The following RIMS1 variants were observed in gnomAD, a reference collection of about 807,000 sequenced individuals.
RIMS1 encodes the protein regulating synaptic membrane exocytosis 1.
In RIMS1, 83 loss-of-function variants were observed where a neutral mutation model predicts 214.1. The observed-to-expected ratio is 0.39, with a 90% CI of 0.32 to 0.47. The LOEUF is 0.47. Among genes scored for constraint, RIMS1 ranks in the 20% least tolerant of loss-of-function variants. RIMS1 has a pLI of 0.99. For missense variants in RIMS1, 2,050 were observed against 2,161.8 expected (o/e 0.95, Z 1.03); for synonymous variants, 793 against 786.8 (o/e 1.01, Z -0.13).
At position 72,158,566 on chromosome 6, in the gene RIMS1, C is replaced by G. The variant is rs1164391018; in HGVS notation, c.472-21009C>G. 1.8e-4 allele frequency among the ~76,000 whole-genome samples: 21 copies of G among 116,032 alleles called. 1 individual carries two copies. The highest frequency in any genetic ancestry group is 1.3e-3 in the Admixed American group (14 of 10,980). The allele number at this position is 116,032 out of a possible 152,430, so 76.1% of individuals were successfully genotyped here. ...TAATGCTATCCCTCCGCCCTCCCCC[C>G]ACCCCACAACAGGCCCTGGTGTGTG... On this transcript the variant is annotated intron_variant, in intron 4 of 33. Transcript: ENST00000521978.
At chr6:72,319,026 ATT>A (rs71842786) in intron 28 of RIMS1, among the ~76,000 whole-genome samples, 1 of 151,820 alleles carries the variant, frequency 6.6e-6, no homozygotes, top group African/African-American at 2.4e-5. Context: ...ATTTTTTAAA[ATT>A]TTTTTTTAAA....
intron 4 of RIMS1, among the ~76,000 whole-genome samples, chr6:72,120,222 T>G (rs934914649): frequency 1.3e-5 from 2 of 151,902 alleles, no homozygotes; most frequent in African/African-American, 4.8e-5. Context: ...CCCTGAAGAA[T>G]CACCACACTG....
At chr6:72,154,021 G>A (rs2044099952) in intron 4 of RIMS1, among the ~76,000 whole-genome samples, 2 of 151,926 alleles carry the variant, frequency 1.3e-5, no homozygotes, top group African/African-American at 4.8e-5. Flanking sequence ...TTATTATCTT[G>A]AATATGCAAG....
intron 10 of RIMS1, among the ~76,000 whole-genome samples, chr6:72,243,511 T>A: frequency 6.6e-6 from 1 of 151,830 alleles, no homozygotes; most frequent in Non-Finnish European, 1.5e-5. Flanking sequence ...ATGCTAGTTT[T>A]ACATGACATA....
chr6:72,047,573 A>C (rs1823415871), intron 2 of RIMS1, among the ~76,000 whole-genome samples: 1 of 152,170 alleles, frequency 6.6e-6, no homozygotes. Flanking sequence ...AACAGCTTCT[A>C]AAGCATGTAG....
At chr6:71,992,462 C>G (rs1417001309) in intron 2 of RIMS1, among the ~76,000 whole-genome samples, 1 of 140,764 alleles carries the variant, frequency 7.1e-6, no homozygotes, top group East Asian at 2.1e-4. Context: ...CTTTCTCTTT[C>G]TTTCTCCTTT....
chr6:72,266,449 T>C (rs986508426), intron 22 of RIMS1: 2 of 225,402 alleles, frequency 8.9e-6, no homozygotes, highest in Non-Finnish European at 1.8e-5. Context: ...ATAGTATTTA[T>C]AGGTTTAACA....
intron 4 of RIMS1, among the ~76,000 whole-genome samples, chr6:72,156,927 G>A (rs1020801461): frequency 7.1e-6 from 1 of 140,714 alleles, no homozygotes; most frequent in African/African-American, 2.5e-5. Flanking sequence ...AATCCAAGAT[G>A]TAATCATGTA....
intron 28 of RIMS1, among the ~76,000 whole-genome samples, chr6:72,324,548 G>A (rs965115406): frequency 6.6e-6 from 1 of 151,824 alleles, no homozygotes; most frequent in Non-Finnish European, 1.5e-5. Flanking sequence ...AGAAAGTGGT[G>A]GATGGAACTA....
intron 1 of RIMS1, among the ~76,000 whole-genome samples, chr6:71,905,770 T>G (rs1313548522): frequency 6.6e-6 from 1 of 152,114 alleles, no homozygotes; most frequent in Non-Finnish European, 1.5e-5. Flanking sequence ...TAATGTTGAC[T>G]GGACAAGAAG....
chr6:72,064,366 A>G (rs992097571), intron 2 of RIMS1, among the ~76,000 whole-genome samples: 5 of 151,830 alleles, frequency 3.3e-5, no homozygotes, highest in Admixed American at 6.6e-5. Context: ...GGAAGGAAGG[A>G]AGGGAGGAAC....
chr6:72,402,717 G>C lies in RIMS1; in HGVS notation c.*2003G>C, dbSNP rs573839905. 1 of 152,470 alleles carries C rather than the reference G, an allele frequency of 6.6e-6. No homozygotes were observed. The highest frequency in any genetic ancestry group is 1.5e-5 in the Non-Finnish European group (1 of 68,002). The allele number at this position is 152,470 out of a possible 1,614,324, so 9.4% of individuals were successfully genotyped here. A position where few individuals can be genotyped will look rare whatever the true frequency, so the allele number is the denominator to read the frequency against. On this transcript the variant is annotated 3_prime_UTR_variant, in exon 34 of 34. Transcript: ENST00000521978. ...TAATTGGGTAGTATCTTTCTATTTT[G>C]ACCACTTGTCTTAACACTCCCCTGT... is the stretch of plus-strand genomic sequence containing the variant.
chr6:72,223,445 TATC>T (rs1465951789), intron 6 of RIMS1, among the ~76,000 whole-genome samples: 4 of 152,150 alleles, frequency 2.6e-5, no homozygotes, highest in African/African-American at 9.7e-5. Context: ...GCTATGTTAA[TATC>T]ATTTTAAAGC....
intron 28 of RIMS1, among the ~76,000 whole-genome samples, chr6:72,330,188 C>A (rs1037683789): frequency 6.6e-6 from 1 of 151,758 alleles, no homozygotes; most frequent in African/African-American, 2.4e-5. Context: ...AAATGCATGA[C>A]ATATTGAGAG....
intron 29 of RIMS1, among the ~76,000 whole-genome samples, chr6:72,368,641 C>G (rs916509765): frequency 7.9e-5 from 12 of 151,886 alleles, no homozygotes; most frequent in Non-Finnish European, 1.6e-4. Context: ...AATGAAGATG[C>G]GGTAAGCACG....
At chr6:72,385,149 AAGGT>A (rs1486271655) in intron 29 of RIMS1, among the ~76,000 whole-genome samples, 10 of 152,226 alleles carry the variant, frequency 6.6e-5, no homozygotes, top group South Asian at 6.2e-4. Flanking sequence ...TCACAAATCA[AAGGT>A]TTCATGTCAT....
chr6:71,978,657 A>G (rs1332395521), intron 2 of RIMS1, among the ~76,000 whole-genome samples: 1 of 152,098 alleles, frequency 6.6e-6, no homozygotes, highest in Non-Finnish European at 1.5e-5. Flanking sequence ...TTTCTGAGAC[A>G]GGCCTTCTCT....
chr6:72,085,827 C>T (rs766812747), intron 2 of RIMS1, among the ~76,000 whole-genome samples: 7 of 152,086 alleles, frequency 4.6e-5, no homozygotes, highest in African/African-American at 1.2e-4. Context: ...AATAACTTTC[C>T]GTTCCTTTAG....
intron 2 of RIMS1, among the ~76,000 whole-genome samples, chr6:72,020,607 G>C (rs146528598): frequency 5.3e-5 from 8 of 152,138 alleles, no homozygotes; most frequent in Non-Finnish European, 1.0e-4. Context: ...CATTTGCAGT[G>C]CACTTGATAT....
Sources: gnomAD v4.1 joint callset for allele counts (sites outside exome capture counted in the v4.1 genomes callset) on GRCh38, gnomAD v4.1.1 for gene constraint, MANE v1.5 for transcripts, NCBI Gene and HGNC (gene_info 2026-07-23, HGNC 2026-07-21) for gene names.